SATB1: variants seen among roughly 807,000 people sequenced by gnomAD.
SATB1 encodes DNA-binding protein SATB1.
SATB1 carries 11 observed loss-of-function variants against 86.9 expected under a neutral mutation model. The ratio of observed to expected loss-of-function variants is 0.13; its 90% CI spans 0.08 to 0.21. The LOEUF (loss-of-function observed/expected upper bound fraction) is 0.21. SATB1 is among the 10% of genes least tolerant of loss of function. SATB1 has a pLI of 1.00. For missense variants in SATB1, 551 were observed against 937.6 expected, an observed-to-expected ratio of 0.59 and a Z score of 5.39; for synonymous variants, 357 against 357.2, an observed-to-expected ratio of 1.00 and a Z score of 0.01.
intron 1 of SATB1, among the ~76,000 whole-genome samples, chr3:18,422,911 C>G (rs889849840): frequency 6.6e-6 from 1 of 152,160 alleles, no homozygotes; most frequent in Non-Finnish European, 1.5e-5. Context: ...AATGTATTGA[C>G]AATCTAAAGT....
At position 18,413,354 on chromosome 3, in the gene SATB1, T is replaced by G. The variant is rs187596554; in HGVS notation, c.639+1757A>C. ...AATAAATATTTGTAACGACAGCCTCTTCTTCAGCTCATAGTAAATGCCTTA... is the reference window on the plus strand; with the variant it reads ...AATAAATATTTGTAACGACAGCCTCGTCTTCAGCTCATAGTAAATGCCTTA... On this transcript the variant is annotated intron_variant, in intron 5 of 10. Transcript: ENST00000338745. Among the ~76,000 whole-genome samples the G allele has an allele frequency of 1.5e-3, 228 of 152,268 alleles. 1 individual carries two copies. Among genetic ancestry groups the G allele is most frequent in the African/African-American group, 5.4e-3 (224 of 41,574 alleles).
At position 18,438,449 on chromosome 3, in the gene SATB1, GAA is replaced by G. The variant is rs1699141895; in HGVS notation, c.-108+114_-108+115del. The G allele has an allele frequency of 2.0e-5, 3 of 152,166 alleles. No homozygotes were observed. The South Asian group carries it at 6.2e-4, about 32-fold the overall frequency. The allele number at this position is 152,166 out of a possible 1,614,324, so 9.4% of individuals were successfully genotyped here. On this transcript the variant is annotated intron_variant, in intron 1 of 3. Transcript: ENST00000414509. Reference sequence around the variant, plus strand: ...CTGGTCCCAAATTTTCTAGAGCTGAGAAAAAGCAACATCCCAACAGAAAGCCC... The same window carrying G: ...CTGGTCCCAAATTTTCTAGAGCTGAGAAAGCAACATCCCAACAGAAAGCCC...
At chr3:18,421,017 G>A (rs756464300) in intron 1 of SATB1, 26 bp from the exon 2 acceptor site, 8 of 1,563,660 alleles carry the variant, frequency 5.1e-6, no homozygotes, top group South Asian at 2.2e-5. Context: ...AAGAAGACAC[G>A]TTATAGTTGG....
At chr3:18,391,122 A>T (rs1696640789) in intron 7 of SATB1, among the ~76,000 whole-genome samples, 1 of 152,144 alleles carries the variant, frequency 6.6e-6, no homozygotes, top group Non-Finnish European at 1.5e-5. Flanking sequence ...TAGGCTTAAA[A>T]AAAAACCCAT....
chr3:18,438,173 A>G (rs1404619711), intron 1 of SATB1, among the ~76,000 whole-genome samples: 1 of 152,224 alleles, frequency 6.6e-6, no homozygotes, highest in East Asian at 1.9e-4. Context: ...TTAAAAGGCC[A>G]AATTGTCATT....
In SATB1 at chr3:18,386,482, C is replaced by T; in HGVS notation, c.1336G>A (p.Asp446Asn). 1 of 1,614,140 alleles carries T rather than the reference C, an allele frequency of 6.2e-7. No homozygotes were observed. Among genetic ancestry groups the T allele is most frequent in the Non-Finnish European group, 8.5e-7 (1 of 1,180,036 alleles). The change falls in exon 8 of 11, where the codon GAC becomes AAC. Residue 446 changes from aspartate (D) to asparagine (N), a missense_variant. Transcript: ENST00000338745. This position sits in a 1 kb window ranked among gnomAD's most constrained non-coding sequence, Gnocchi z 4.5. The part of the protein sequence containing the change: ...PEAERDRIYQ[D>N]ERERSLNAAS... ...GCATTCAAGCTCCTTTCCCTTTCGT[C>T]CTGGTATATTCGGTCTCTTTCAGCT... is the stretch of plus-strand genomic sequence containing the variant.
intron 1 of SATB1, 194 bp from the exon 2 acceptor site, chr3:18,421,185 A>G (rs1050067913): frequency 2.7e-4 from 140 of 524,294 alleles, no homozygotes; most frequent in Non-Finnish European, 3.3e-4. Context: ...AAATTAACAA[A>G]ATGATCTGTG....
chr3:18,388,650 T>A (rs546452910), intron 7 of SATB1, among the ~76,000 whole-genome samples: 1 of 152,210 alleles, frequency 6.6e-6, no homozygotes, highest in East Asian at 1.9e-4. Flanking sequence ...GAACAAGATG[T>A]GTTACCCATG....
At chr3:18,362,073 G>A (rs575782381) in intron 9 of SATB1, among the ~76,000 whole-genome samples, 1 of 151,942 alleles carries the variant, frequency 6.6e-6, no homozygotes, top group Admixed American at 6.6e-5. Context: ...AACTTTTCTT[G>A]TCTGTCTCTT....
At chr3:18,390,372 T>C (rs1696594690) in intron 7 of SATB1, among the ~76,000 whole-genome samples, 1 of 152,184 alleles carries the variant, frequency 6.6e-6, no homozygotes, top group South Asian at 2.1e-4. Context: ...TGGTGAATTT[T>C]TAATCCTATG....
rs1203791843 is a variant in SATB1, at chr3:18,378,215, T to C, written c.1530A>G (p.Lys510=). ...DEIQQEMKRA[K]VSQALFAKVA... is the part of the protein sequence containing the mutation. Reference sequence around the variant, plus strand: ...CCTTTGCAAACAGTGCTTGAGACACTTTAGCACGCTTCATTTCCTGCTGAA... The same window carrying C: ...CCTTTGCAAACAGTGCTTGAGACACCTTAGCACGCTTCATTTCCTGCTGAA... Residue 510 remains lysine, a synonymous_variant, in exon 9 of 11, where the codon AAA becomes AAG. Transcript: ENST00000338745. 1 of 1,609,844 alleles carries C rather than the reference T, an allele frequency of 6.2e-7. No homozygotes were observed. The highest frequency in any genetic ancestry group is 1.7e-5 in the Admixed American group (1 of 59,276).
chr3:18,405,887 T>A (rs1188867717), intron 5 of SATB1, among the ~76,000 whole-genome samples: 5 of 151,956 alleles, frequency 3.3e-5, no homozygotes, highest in African/African-American at 1.2e-4. Flanking sequence ...TAAACCAATG[T>A]CACCTCTGGA....
At chr3:18,421,638 A>T (rs1698402490) in intron 1 of SATB1, among the ~76,000 whole-genome samples, 1 of 152,178 alleles carries the variant, frequency 6.6e-6, no homozygotes, top group Admixed American at 6.5e-5. Context: ...TGGGCCAAAG[A>T]TGTGATTGGA....
At chr3:18,361,777 G>T (rs1035629811) in intron 9 of SATB1, among the ~76,000 whole-genome samples, 23 of 152,100 alleles carry the variant, frequency 1.5e-4, no homozygotes, top group African/African-American at 5.1e-4. Context: ...AGCAAAAGTT[G>T]AATATAGCCT....
chr3:18,353,539 T>A (rs962196333), intron 9 of SATB1, among the ~76,000 whole-genome samples: 1 of 138,696 alleles, frequency 7.2e-6, no homozygotes. Flanking sequence ...GGAAGTATAG[T>A]TTTTTTTTTA....
At chr3:18,402,593 T>G (rs1276668123) in intron 5 of SATB1, among the ~76,000 whole-genome samples, 2 of 152,126 alleles carry the variant, frequency 1.3e-5, no homozygotes, top group African/African-American at 4.8e-5. Flanking sequence ...GTACCATATT[T>G]GCATATTACA....
intron 5 of SATB1, among the ~76,000 whole-genome samples, chr3:18,402,894 G>T (rs562924854): frequency 1.3e-5 from 2 of 152,032 alleles, no homozygotes; most frequent in African/African-American, 2.4e-5. Flanking sequence ...ATCTAAATAC[G>T]ATTAAACAGC....
At chr3:18,440,382 C>T (rs1330598504), upstream of SATB1, among the ~76,000 whole-genome samples, 1 of 152,158 alleles carries the variant, frequency 6.6e-6, no homozygotes. Flanking sequence ...AAACTCCTCT[C>T]GACCCCTATC....
At chr3:18,418,922 T>C (rs1350252777) in intron 2 of SATB1, among the ~76,000 whole-genome samples, 1 of 152,164 alleles carries the variant, frequency 6.6e-6, no homozygotes, top group Non-Finnish European at 1.5e-5. Context: ...GGAAGTGAAT[T>C]TACTGTACTT....
Sources: allele counts gnomAD v4.1 joint callset (sites outside exome capture counted in the v4.1 genomes callset), GRCh38; gene constraint gnomAD v4.1.1; non-coding constraint Gnocchi (gnomAD v3.1); transcripts MANE v1.5; gene names NCBI Gene and HGNC (gene_info 2026-07-23, HGNC 2026-07-21).